Variants in TWSG1 observed in about 807,000 individuals in gnomAD.
The protein encoded by TWSG1 is twisted gastrulation BMP signaling modulator 1, also known as twisted gastrulation protein homolog 1.
A neutral mutation model predicts 23.0 loss-of-function variants in TWSG1; 15 were observed. That is an observed-to-expected ratio of 0.65 (90% CI 0.44 to 1.00). The LOEUF (loss-of-function observed/expected upper bound fraction) is 1.00. TWSG1 is among the 50% of genes least tolerant of loss of function. The pLI, the probability that TWSG1 is intolerant of heterozygous loss-of-function variation, is 0.00. For missense variants in TWSG1, 242 were observed against 278.7 expected, an observed-to-expected ratio of 0.87 and a Z score of 0.94; for synonymous variants, 86 against 92.8, an observed-to-expected ratio of 0.93 and a Z score of 0.42.
chr18:9,354,937 G>A (rs1215859479), intron 2 of TWSG1, among the ~76,000 whole-genome samples: 3 of 151,854 alleles, frequency 2.0e-5, no homozygotes, highest in Non-Finnish European at 2.9e-5. Flanking sequence ...GTTCTTATAA[G>A]TGAAACAGCT....
chr18:9,392,459 C>T (rs184029051), intron 3 of TWSG1, among the ~76,000 whole-genome samples: 2 of 152,332 alleles, frequency 1.3e-5, no homozygotes, highest in East Asian at 3.9e-4. Context: ...AAGAGAGGGC[C>T]TTGCTCTGGA....
rs1491545453 is a variant in TWSG1 at position 9,344,490 on chromosome 18, CAT to C, written c.123+7139_123+7140del. Among the ~76,000 whole-genome samples the C allele has an allele frequency of 5.3e-4, 60 of 113,070 alleles. 2 individuals carry two copies. The highest frequency in any genetic ancestry group is 3.4e-4 in the South Asian group (1 of 2,924). The allele number at this position is 113,070 out of a possible 152,430, so 74.2% of individuals were successfully genotyped here. A position where few individuals can be genotyped will look rare whatever the true frequency, so the allele number is the denominator to read the frequency against. On this transcript the variant is annotated intron_variant, in intron 2 of 4. Coordinates refer to ENST00000262120, the MANE Select transcript of TWSG1 (RefSeq NM_020648.6). Reference sequence around the variant, plus strand: ...CATCTTTTTATGTGCTTAGTGAATGCATGTGTGTGTGTGTGTGTGTGTGTGTG... The same window carrying C: ...CATCTTTTTATGTGCTTAGTGAATGCGTGTGTGTGTGTGTGTGTGTGTGTG...
At chr18:9,364,087 TA>T (rs1192833957) in intron 3 of TWSG1, among the ~76,000 whole-genome samples, 7 of 152,244 alleles carry the variant, frequency 4.6e-5, no homozygotes, top group African/African-American at 1.7e-4. Flanking sequence ...TCTTTTATTC[TA>T]AAACAGTTTC....
In TWSG1 at chr18:9,399,394, A is replaced by G; in HGVS notation, c.539A>G (p.Gln180Arg). 6.2e-7 allele frequency: 1 copy of G among 1,613,808 alleles called. No individual in the cohort carries two copies. Among genetic ancestry groups the G allele is most frequent in the Non-Finnish European group, 8.5e-7 (1 of 1,179,946 alleles). ...VYFDDCMSIH[Q>R]CKISCESMGA... ...TTTGATGACTGCATGTCCATACATC[A>G]GTGTAAAATATCCTGTGAGTCCATG... Residue 180 changes from glutamine to arginine, a missense_variant, in exon 5 of 5, where the codon CAG becomes CGG. By Grantham distance (43) the Gln-to-Arg change is conservative (BLOSUM62 1). Coordinates refer to ENST00000262120, the MANE Select transcript of TWSG1 (RefSeq NM_020648.6).
intron 2 of TWSG1, among the ~76,000 whole-genome samples, chr18:9,356,970 C>CT (rs2040529740): frequency 2.8e-5 from 2 of 71,206 alleles, no homozygotes; most frequent in South Asian, 5.5e-4. Context: ...CTTTATAAAT[C>CT]TAAAAAAAAA....
chr18:9,384,068 A>G (rs2040671342), intron 3 of TWSG1, among the ~76,000 whole-genome samples: 1 of 152,226 alleles, frequency 6.6e-6, no homozygotes, highest in African/African-American at 2.4e-5. Context: ...AATTCAGTCA[A>G]AATGTAATGG....
rs113143886 is a variant in TWSG1 at position 9,363,817 on chromosome 18, G to A, written c.223+3746G>A. Reference sequence around the variant, plus strand: ...CTTTTTTGTATTTTTTTGTACAGATGGGGTTTCACCATGTTGGCCAGGCTG... The same window carrying A: ...CTTTTTTGTATTTTTTTGTACAGATAGGGTTTCACCATGTTGGCCAGGCTG... On this transcript the variant is annotated intron_variant, in intron 3 of 4. Transcript: ENST00000262120. 4.6e-3 allele frequency among the ~76,000 whole-genome samples: 501 copies of A among 110,010 alleles called. 3 individuals carry two copies. Among genetic ancestry groups the A allele is most frequent in the Middle Eastern group, 0.039 (6 of 152 alleles). 72.2% of individuals were successfully genotyped at this position (110,010 alleles called of 152,430 possible). A position where few individuals can be genotyped will look rare whatever the true frequency, so the allele number is the denominator to read the frequency against.
chr18:9,376,263 A>G (rs1227893877), intron 3 of TWSG1, among the ~76,000 whole-genome samples: 1 of 152,198 alleles, frequency 6.6e-6, no homozygotes, highest in Non-Finnish European at 1.5e-5. Flanking sequence ...CTAGCAATTT[A>G]TCTTATGGAT....
In TWSG1 at chr18:9,366,531, A is replaced by G. The variant is rs75653607; in HGVS notation, c.223+6460A>G. Among the ~76,000 whole-genome samples the G allele has an allele frequency of 1.0e-3, 157 of 152,334 alleles. No homozygotes were observed. The East Asian group carries it at 0.024, about 23-fold the overall frequency. ...GAACTCTGACTTTGAACTCAGGGCT[A>G]CAGTCCAGTACTAACCTTGACGGGT... On this transcript the variant is annotated intron_variant, in intron 3 of 4. Coordinates refer to ENST00000262120, the MANE Select transcript of TWSG1 (RefSeq NM_020648.6).
intron 2 of TWSG1, among the ~76,000 whole-genome samples, chr18:9,338,468 C>G (rs1054631735): frequency 2.0e-5 from 3 of 152,040 alleles, no homozygotes; most frequent in Non-Finnish European, 4.4e-5. Flanking sequence ...TTTATCTATA[C>G]CCTCCTACAT....
At chr18:9,387,460 C>G (rs1054656176) in intron 3 of TWSG1, among the ~76,000 whole-genome samples, 1 of 152,050 alleles carries the variant, frequency 6.6e-6, no homozygotes, top group African/African-American at 2.4e-5. Flanking sequence ...TATTTCTTTG[C>G]TAAAGTATTT....
intron 3 of TWSG1, among the ~76,000 whole-genome samples, chr18:9,381,790 A>G (rs1028175775): frequency 1.3e-5 from 2 of 152,150 alleles, no homozygotes; most frequent in African/African-American, 4.8e-5. Context: ...TTTTCAACCT[A>G]TTTTTGAAAT....
At chr18:9,373,366 C>CA (rs565651428) in intron 3 of TWSG1, among the ~76,000 whole-genome samples, 11,521 of 148,050 alleles carry the variant, frequency 0.078, 527 homozygotes, top group Admixed American at 0.099. Context: ...CTGTCTCTAC[C>CA]AAAAAAAAAA....
At chr18:9,391,490 C>G (rs1351681911) in intron 3 of TWSG1, among the ~76,000 whole-genome samples, 1 of 152,194 alleles carries the variant, frequency 6.6e-6, no homozygotes, top group Non-Finnish European at 1.5e-5. Flanking sequence ...GGAATCATAT[C>G]TATGGCAGCT....
chr18:9,361,567 T>G (rs2040552580), intron 3 of TWSG1, among the ~76,000 whole-genome samples: 1 of 152,230 alleles, frequency 6.6e-6, no homozygotes, highest in Non-Finnish European at 1.5e-5. Context: ...TCTTTCCCTT[T>G]AGGGTTGCAC....
Position 9,337,234 on chromosome 18 carries a change from A to C in TWSG1, c.5A>C (p.Lys2Thr). M[K>T]LHYVAVLTLA... ...GATCATCTTCTTTGAAGAAACATGA[A>C]GTTACACTATGTTGCTGTGCTTACT... Residue 2 changes from lysine to threonine, a missense_variant, in exon 2 of 5, where the codon AAG (lysine) becomes ACG (threonine). Transcript: ENST00000262120. The C allele has an allele frequency of 1.2e-6, 2 of 1,611,360 alleles. No individual in the cohort carries two copies. Among genetic ancestry groups the C allele is most frequent in the South Asian group, 2.2e-5 (2 of 91,074 alleles).
intron 3 of TWSG1, among the ~76,000 whole-genome samples, chr18:9,392,972 G>C (rs1190834638): frequency 6.6e-6 from 1 of 152,142 alleles, no homozygotes; most frequent in Non-Finnish European, 1.5e-5. Context: ...GCATATGGAG[G>C]CACTTCCTGC....
intron 3 of TWSG1, among the ~76,000 whole-genome samples, chr18:9,389,685 C>T (rs2040702473): frequency 6.6e-6 from 1 of 152,110 alleles, no homozygotes; most frequent in Admixed American, 6.6e-5. Flanking sequence ...TTTTTCTCCT[C>T]CCTGAATTTA....
intron 3 of TWSG1, among the ~76,000 whole-genome samples, chr18:9,385,394 AAAAG>A (rs982994371): frequency 9.1e-6 from 1 of 110,414 alleles, no homozygotes; most frequent in Non-Finnish European, 1.9e-5. Flanking sequence ...AGTGTAGCTT[AAAAG>A]AAAGAACGGG....
Sources: allele counts gnomAD v4.1 joint callset (sites outside exome capture counted in the v4.1 genomes callset), GRCh38; gene constraint gnomAD v4.1.1; transcripts MANE v1.5; gene names NCBI Gene and HGNC (gene_info 2026-07-23, HGNC 2026-07-21).